The following LGALSL variants were observed in gnomAD, a reference collection of about 807,000 sequenced individuals.
LGALSL encodes galectin like, also known as galectin-related protein.
A neutral mutation model predicts 19.5 loss-of-function variants in LGALSL; 13 were observed. The ratio of observed to expected loss-of-function variants is 0.67; its 90% CI spans 0.43 to 1.06. LGALSL has a LOEUF of 1.06. Ranked by LOEUF, LGALSL falls within the 50% of genes least tolerant of loss-of-function variation. LGALSL has a pLI of 0.00. For missense variants in LGALSL, 189 were observed against 219.3 expected, an observed-to-expected ratio of 0.86 and a Z score of 0.87; for synonymous variants, 86 against 78.3, an observed-to-expected ratio of 1.10 and a Z score of -0.52.
At position 64,456,351 on chromosome 2, in the gene LGALSL, C is replaced by G. The variant is rs527238775; in HGVS notation, c.261C>G (p.Leu87=). ...EDPPADVAIE[L]KAVFTDRQLL... ...CTCCTGCCGATGTGGCAATCGAACT[C>G]AAAGCTGTGTTCACAGATCGGCAGC... The change falls in exon 4 of 5, where the codon CTC becomes CTG. Residue 87 remains leucine (L), a synonymous_variant. Transcript: ENST00000238875. The G allele has an allele frequency of 5.6e-6, 9 of 1,612,460 alleles. No individual in the cohort carries two copies. The East Asian group carries it at 1.8e-4, about 32-fold the overall frequency.
intron 1 of LGALSL, 39 bp from the exon 2 acceptor site, chr2:64,455,302 AAAG>A (rs1256997188): frequency 7.3e-7 from 1 of 1,378,686 alleles, no homozygotes; most frequent in South Asian, 1.2e-5. Context: ...GCCCCCCAAA[AAAG>A]AGCCCATGGA....
chr2:64,456,528 T>A (rs775620398), intron 4 of LGALSL, 63 bp downstream of exon 4: 73 of 1,355,078 alleles, frequency 5.4e-5, no homozygotes, highest in Non-Finnish European at 6.7e-5. Context: ...ACTTACCTAG[T>A]GTGTGCCAAG....
Position 64,456,121 on chromosome 2 carries a change from A to T in LGALSL, c.198-167A>T, listed in dbSNP as rs1686732015. Reference sequence around the variant, plus strand: ...TTCACCAGAGCTTGCTTTAGGTAACAAAATAAGCTGGTTTGACTTACTTCT... The same window carrying T: ...TTCACCAGAGCTTGCTTTAGGTAACTAAATAAGCTGGTTTGACTTACTTCT... On this transcript the variant is annotated intron_variant, in intron 3 of 4. Coordinates refer to ENST00000238875, the MANE Select transcript of LGALSL (RefSeq NM_014181.3). 5.3e-6 allele frequency: 3 copies of T among 569,714 alleles called. No individual in the cohort carries two copies. In the East Asian group the frequency reaches 9.6e-5, roughly 18 times the overall value. 35.3% of individuals were successfully genotyped at this position (569,714 alleles called of 1,614,324 possible).
Position 64,454,333 on chromosome 2 carries a change from C to G in LGALSL, c.-213C>G. 1 of 393,192 alleles carries G rather than the reference C, an allele frequency of 2.5e-6. No homozygotes were observed. The highest frequency in any genetic ancestry group is 6.4e-4 in the Middle Eastern group (1 of 1,566). The allele number at this position is 393,192 out of a possible 1,614,324, so 24.4% of individuals were successfully genotyped here. On this transcript the variant is annotated 5_prime_UTR_variant, in exon 1 of 5. Transcript: ENST00000238875. The surrounding 1 kb of genome is among the most constrained non-coding windows in gnomAD (Gnocchi z 5.1). ...GGCCGCGGCAAGCACCTTCGCCCTCCCAGCTCGCGCTGCCTCCCTCCCCTC... is the reference window on the plus strand; with the variant it reads ...GGCCGCGGCAAGCACCTTCGCCCTCGCAGCTCGCGCTGCCTCCCTCCCCTC...
rs756543906 is a variant in LGALSL at position 64,456,402 on chromosome 2, G to T, written c.312G>T (p.Gly104=). Residue 104 remains glycine, a synonymous_variant, in exon 4 of 5, where the codon GGG becomes GGT. Coordinates refer to ENST00000238875, the MANE Select transcript of LGALSL (RefSeq NM_014181.3). ...RQLLRNSCIS[G]ERGEEQSAIP... The stretch of plus-strand genomic sequence containing the variant: ...TACTCAGAAATTCTTGTATATCTGG[G>T]GAGAGGGGTGAAGAACAGTCAGCAA... 2 of 1,611,202 alleles carry T rather than the reference G, an allele frequency of 1.2e-6. No individual in the cohort carries two copies.
intron 1 of LGALSL, 38 bp from the exon 2 acceptor site, chr2:64,455,306 A>G (rs1686716865): frequency 7.2e-7 from 1 of 1,395,268 alleles, no homozygotes; most frequent in Non-Finnish European, 1.0e-6. Flanking sequence ...CCCAAAAAAG[A>G]GCCCATGGAA....
intron 1 of LGALSL, among the ~76,000 whole-genome samples, chr2:64,455,028 G>T (rs114074248): frequency 6.6e-6 from 1 of 152,306 alleles, no homozygotes; most frequent in African/African-American, 2.4e-5. Flanking sequence ...GGCCCACCGC[G>T]CTTCCAGAAG....
chr2:64,455,188 G>T (rs886933308), intron 1 of LGALSL, among the ~76,000 whole-genome samples, 156 bp from the exon 2 acceptor site: 6 of 152,190 alleles, frequency 3.9e-5, no homozygotes, highest in Non-Finnish European at 8.8e-5. Flanking sequence ...TTGTTCGGGG[G>T]TGATGAGATT....
chr2:64,454,433 G>A lies in LGALSL; in HGVS notation c.-113G>A. On this transcript the variant is annotated 5_prime_UTR_variant, in exon 1 of 5. Transcript: ENST00000238875. The surrounding 1 kb of genome is among the most constrained non-coding windows in gnomAD (Gnocchi z 5.1). ...CGCGCGCGCGCCCCCTCGTGTGTGC[G>A]CGCGCCCGCCGCCAGCTCGGACCCG... is the stretch of plus-strand genomic sequence containing the variant. 2 of 447,824 alleles carry A rather than the reference G, an allele frequency of 4.5e-6. No individual in the cohort carries two copies. Among genetic ancestry groups the A allele is most frequent in the African/African-American group, 2.2e-5 (1 of 46,398 alleles). The allele number at this position is 447,824 out of a possible 1,614,324, so 27.7% of individuals were successfully genotyped here. A position where few individuals can be genotyped will look rare whatever the true frequency, so the allele number is the denominator to read the frequency against.
intron 4 of LGALSL, 135 bp from the exon 5 acceptor site, chr2:64,458,150 C>G: frequency 1.3e-6 from 1 of 767,868 alleles, no homozygotes; most frequent in South Asian, 1.8e-5. Context: ...TCTAACAAGC[C>G]CTCTGCAGGT....
In LGALSL at chr2:64,458,971, CAATG is replaced by C. The variant is rs1470162225; in HGVS notation, c.*544_*547del. The C allele has an allele frequency of 1.3e-5, 2 of 152,006 alleles. No individual in the cohort carries two copies. Among genetic ancestry groups the C allele is most frequent in the African/African-American group, 4.8e-5 (2 of 41,358 alleles). The allele number at this position is 152,006 out of a possible 1,614,324, so 9.4% of individuals were successfully genotyped here. On this transcript the variant is annotated 3_prime_UTR_variant, in exon 5 of 5. Transcript: ENST00000238875. ...TTTCTTGTAGTTATTTATTTATACT[CAATG>C]TATGTATTAAAGAATGAACAATGTC...
Position 64,458,472 on chromosome 2 carries a change from TCTGA to T in LGALSL, c.*48_*51del. 6.3e-7 allele frequency: 1 copy of T among 1,577,116 alleles called. No individual in the cohort carries two copies. The highest frequency in any genetic ancestry group is 8.7e-7 in the Non-Finnish European group (1 of 1,154,378). On this transcript the variant is annotated 3_prime_UTR_variant, in exon 5 of 5. Coordinates refer to ENST00000238875, the MANE Select transcript of LGALSL (RefSeq NM_014181.3). ...CAAATAGGATCACGTGCCACAACTA[TCTGA>T]CTGTTGGTCTGGAAGAAGTGTCCTA...
Position 64,454,224 on chromosome 2 carries a change from G to C in LGALSL, c.-322G>C, listed in dbSNP as rs2103703920. 2.5e-6 allele frequency: 1 copy of C among 395,246 alleles called. No homozygotes were observed. Among genetic ancestry groups the C allele is most frequent in the Non-Finnish European group, 4.5e-6 (1 of 223,874 alleles). The allele number at this position is 395,246 out of a possible 1,614,324, so 24.5% of individuals were successfully genotyped here. Reference sequence around the variant, plus strand: ...ATGCTGCCCAGGGCCGACGCGGCACGGCCCTCGCCACTTTTCTTGGTCGGG... The same window carrying C: ...ATGCTGCCCAGGGCCGACGCGGCACCGCCCTCGCCACTTTTCTTGGTCGGG... On this transcript the variant is annotated 5_prime_UTR_variant, in exon 1 of 5. Coordinates refer to ENST00000238875, the MANE Select transcript of LGALSL (RefSeq NM_014181.3). This position sits in a 1 kb window ranked among gnomAD's most constrained non-coding sequence, Gnocchi z 5.1.
intron 3 of LGALSL, among the ~76,000 whole-genome samples, chr2:64,455,979 C>G (rs1686729038): frequency 6.7e-6 from 1 of 149,954 alleles, no homozygotes; most frequent in Non-Finnish European, 1.5e-5. Context: ...GGAGCAAGAA[C>G]TATCAAGATG....
rs952732761 is a variant in LGALSL at position 64,454,494 on chromosome 2, G to A, written c.-52G>A. 1.6e-6 allele frequency: 2 copies of A among 1,270,330 alleles called. No homozygotes were observed. The highest frequency in any genetic ancestry group is 3.1e-5 in the Admixed American group (1 of 32,116). The allele number at this position is 1,270,330 out of a possible 1,614,324, so 78.7% of individuals were successfully genotyped here. On this transcript the variant is annotated 5_prime_UTR_variant, in exon 1 of 5. Coordinates refer to ENST00000238875, the MANE Select transcript of LGALSL (RefSeq NM_014181.3). The surrounding 1 kb of genome is among the most constrained non-coding windows in gnomAD (Gnocchi z 5.1). ...CCCGCCCCGCGCAGGACAGCCCCGG[G>A]ATCCCCGCCCGCGCGCCGCGTCCCA...
Position 64,454,446 on chromosome 2 carries a change from C to G in LGALSL, c.-100C>G. 1 of 584,814 alleles carries G rather than the reference C, an allele frequency of 1.7e-6. No homozygotes were observed. Among genetic ancestry groups the G allele is most frequent in the Non-Finnish European group, 2.4e-6 (1 of 424,258 alleles). The allele number at this position is 584,814 out of a possible 1,614,324, so 36.2% of individuals were successfully genotyped here. A position where few individuals can be genotyped will look rare whatever the true frequency, so the allele number is the denominator to read the frequency against. ...CCTCGTGTGTGCGCGCGCCCGCCGC[C>G]AGCTCGGACCCGCGCCCCCGCCCCC... On this transcript the variant is annotated 5_prime_UTR_variant, in exon 1 of 5. Transcript: ENST00000238875. This position sits in a 1 kb window ranked among gnomAD's most constrained non-coding sequence, Gnocchi z 5.1.
At position 64,459,387 on chromosome 2, in the gene LGALSL, A is replaced by G. The variant is rs1042060519; in HGVS notation, c.*959A>G. The G allele has an allele frequency of 6.6e-6, 1 of 152,372 alleles. No individual in the cohort carries two copies. Among genetic ancestry groups the G allele is most frequent in the South Asian group, 2.1e-4 (1 of 4,830 alleles). The allele number at this position is 152,372 out of a possible 1,614,324, so 9.4% of individuals were successfully genotyped here. The stretch of plus-strand genomic sequence containing the variant: ...TGCTTAGACAATTTTTAAAGTGACT[A>G]TAGTATAAACTTTTAAAAGAATAAT... On this transcript the variant is annotated 3_prime_UTR_variant, in exon 5 of 5. Coordinates refer to ENST00000238875, the MANE Select transcript of LGALSL (RefSeq NM_014181.3).
chr2:64,456,378 A>G lies in LGALSL; in HGVS notation c.288A>G (p.Leu96=), dbSNP rs1686736734. The change falls in exon 4 of 5, where the codon CTA becomes CTG. Residue 96 remains leucine (L), a synonymous_variant. Transcript: ENST00000238875. ...AAGCTGTGTTCACAGATCGGCAGCT[A>G]CTCAGAAATTCTTGTATATCTGGGG... is the stretch of plus-strand genomic sequence containing the variant. The part of the protein sequence containing the change: ...ELKAVFTDRQ[L]LRNSCISGER... 2 of 1,612,008 alleles carry G rather than the reference A, an allele frequency of 1.2e-6. No individual in the cohort carries two copies. Among genetic ancestry groups the G allele is most frequent in the Admixed American group, 1.7e-5 (1 of 59,660 alleles).
intron 4 of LGALSL, 63 bp from the exon 5 acceptor site, chr2:64,458,222 G>C (rs1392122595): frequency 2.1e-6 from 3 of 1,455,322 alleles, no homozygotes; most frequent in Non-Finnish European, 2.9e-6. Context: ...CTAAAATGAA[G>C]TATTGTTTGT....
Sources: allele counts gnomAD v4.1 joint callset (sites outside exome capture counted in the v4.1 genomes callset), GRCh38; gene constraint gnomAD v4.1.1; non-coding constraint Gnocchi (gnomAD v3.1); transcripts MANE v1.5; gene names NCBI Gene and HGNC (gene_info 2026-07-23, HGNC 2026-07-21).